The following RIC8A variants were observed in gnomAD, a reference collection of about 807,000 sequenced individuals.
RIC8A encodes RIC8 guanine nucleotide exchange factor A.
RIC8A carries 37 observed loss-of-function variants against 48.4 expected under a neutral mutation model. That is an observed-to-expected ratio of 0.77 (90% CI 0.59 to 1.01). RIC8A has a LOEUF of 1.01. Ranked by LOEUF, RIC8A falls within the 50% of genes least tolerant of loss-of-function variation. RIC8A has a pLI of 0.00. For missense variants in RIC8A, 681 were observed against 696.8 expected (o/e 0.98, Z 0.25); for synonymous variants, 288 against 283.4 (o/e 1.02, Z -0.16).
In RIC8A at chr11:211,366, T is replaced by C. The variant is rs1416525264; in HGVS notation, c.969+17T>C. ...TTGCACAAGGTAGGCTGGGGATGGC[T>C]GTGCAGGCTCCCCCAGTGGCTCTGG... On this transcript the variant is annotated intron_variant, in intron 5 of 9. Coordinates refer to ENST00000526104, the MANE Select transcript of RIC8A (RefSeq NM_001286134.2). This position sits in a 1 kb window ranked among gnomAD's most constrained non-coding sequence, Gnocchi z 4.0. 2 of 1,609,920 alleles carry C rather than the reference T, an allele frequency of 1.2e-6. No individual in the cohort carries two copies. Among genetic ancestry groups the C allele is most frequent in the African/African-American group, 2.7e-5 (2 of 74,888 alleles).
chr11:210,495 A>C, intron 3 of RIC8A, 76 bp from the exon 4 acceptor site: 2 of 1,328,730 alleles, frequency 1.5e-6, no homozygotes, highest in Middle Eastern at 1.8e-4. Flanking sequence ...CCTGGAGTGC[A>C]ACAGACAGTG....
intron 5 of RIC8A, chr11:212,211 CCT>C (rs1355525341): frequency 3.4e-6 from 2 of 593,366 alleles, no homozygotes; most frequent in Non-Finnish European, 6.0e-6. Context: ...ACGCTCTATC[CCT>C]GTCCTTTTCA....
At chr11:210,995 C>A (rs539833971) in intron 4 of RIC8A, 9 of 619,302 alleles carry the variant, frequency 1.5e-5, no homozygotes, top group African/African-American at 9.3e-5. Context: ...TGTCTCAGTG[C>A]CCCCACTTCC....
rs1048632539 is a variant in RIC8A, at chr11:209,061, G to T, written c.84+123G>T. ...CAGCAAGCGTAGGGGACGCGGCGGG[G>T]TGCGGGGGGCAGGTCTGGGATGCAG... is the stretch of plus-strand genomic sequence containing the variant. On this transcript the variant is annotated intron_variant, in intron 1 of 9. Coordinates refer to ENST00000526104, the MANE Select transcript of RIC8A (RefSeq NM_001286134.2). 4 of 1,071,480 alleles carry T rather than the reference G, an allele frequency of 3.7e-6. No individual in the cohort carries two copies. In the African/African-American group the frequency reaches 4.7e-5, roughly 13 times the overall value. The allele number at this position is 1,071,480 out of a possible 1,614,324, so 66.4% of individuals were successfully genotyped here.
Position 211,636 on chromosome 11 carries a change from A to C in RIC8A, c.969+287A>C. On this transcript the variant is annotated intron_variant, in intron 5 of 9. Coordinates refer to ENST00000526104, the MANE Select transcript of RIC8A (RefSeq NM_001286134.2). This position sits in a 1 kb window ranked among gnomAD's most constrained non-coding sequence, Gnocchi z 4.0. Reference sequence around the variant, plus strand: ...GAGAAGCCCCCCAGTCCCTACTTTTAAGTCTTAAACACAGGCAGCCCTTGA... The same window carrying C: ...GAGAAGCCCCCCAGTCCCTACTTTTCAGTCTTAAACACAGGCAGCCCTTGA... 1 of 292,452 alleles carries C rather than the reference A, an allele frequency of 3.4e-6. No homozygotes were observed. The highest frequency in any genetic ancestry group is 6.4e-6 in the Non-Finnish European group (1 of 156,504). The allele number at this position is 292,452 out of a possible 1,614,324, so 18.1% of individuals were successfully genotyped here. A position where few individuals can be genotyped will look rare whatever the true frequency, so the allele number is the denominator to read the frequency against.
rs1855350913 is a variant in RIC8A at position 211,288 on chromosome 11, T to C, written c.908T>C (p.Met303Thr). The C allele has an allele frequency of 2.5e-6, 4 of 1,614,106 alleles. No individual in the cohort carries two copies. The African/African-American group carries it at 4.0e-5, about 16-fold the overall frequency. ...LEPHGDSTEF[M>T]GVNMDVIRAL... ...CCACATGGAGACTCCACGGAGTTCA[T>C]GGGAGTGAATATGGATGTGATTCGT... Residue 303 changes from methionine (M) to threonine (T), a missense_variant, in exon 5 of 10, where the codon ATG (methionine) becomes ACG (threonine). Transcript: ENST00000526104. This position sits in a 1 kb window ranked among gnomAD's most constrained non-coding sequence, Gnocchi z 4.0.
intron 8 of RIC8A, 69 bp from the exon 9 acceptor site, chr11:213,230 A>C (rs1855414421): frequency 4.4e-6 from 7 of 1,594,630 alleles, no homozygotes; most frequent in Non-Finnish European, 6.0e-6. Context: ...CACTGGGAAA[A>C]TAGGTGGCTT....
At chr11:210,825 C>A in intron 4 of RIC8A, 163 bp downstream of exon 4, 1 of 677,928 alleles carries the variant, frequency 1.5e-6, no homozygotes, top group South Asian at 1.8e-5. Flanking sequence ...AATTTGGGGG[C>A]AGGAATGTGC....
rs1003128889 is a variant in RIC8A at position 214,551 on chromosome 11, C to T, written c.*201C>T. The T allele has an allele frequency of 1.6e-5, 11 of 694,920 alleles. No individual in the cohort carries two copies. Among genetic ancestry groups the T allele is most frequent in the Admixed American group, 1.1e-4 (5 of 47,474 alleles). The allele number at this position is 694,920 out of a possible 1,614,324, so 43.0% of individuals were successfully genotyped here. On this transcript the variant is annotated 3_prime_UTR_variant, in exon 10 of 10. Transcript: ENST00000526104. Reference sequence around the variant, plus strand: ...CTCATCTCTGGACTGCAACGGTCTTCTTGTGCTAGAACTCAGGCTCAGCCT... The same window carrying T: ...CTCATCTCTGGACTGCAACGGTCTTTTTGTGCTAGAACTCAGGCTCAGCCT...
Position 209,514 on chromosome 11 carries a change from G to A in RIC8A, c.240G>A (p.Leu80=). ...VRILSRDRNC[L]DPFTSRQSLQ... ...TCCTGTCCCGGGACCGCAACTGCCT[G>A]GACCCGTTCACCAGCCGCCAGAGCC... Residue 80 remains leucine, a synonymous_variant, in exon 3 of 10, where the codon CTG becomes CTA. Coordinates refer to ENST00000526104, the MANE Select transcript of RIC8A (RefSeq NM_001286134.2). 1 of 1,613,922 alleles carries A rather than the reference G, an allele frequency of 6.2e-7. No homozygotes were observed. Among genetic ancestry groups the A allele is most frequent in the Non-Finnish European group, 8.5e-7 (1 of 1,179,954 alleles).
intron 5 of RIC8A, 153 bp from the exon 6 acceptor site, chr11:212,263 G>A (rs555393406): frequency 2.4e-5 from 17 of 700,480 alleles, no homozygotes; most frequent in Non-Finnish European, 3.9e-5. Context: ...TTGGCCTTCT[G>A]CTGACTAACT....
In RIC8A at chr11:208,494, G is replaced by A; in HGVS notation, c.-361G>A. 1 of 228,318 alleles carries A rather than the reference G, an allele frequency of 4.4e-6. No homozygotes were observed. The highest frequency in any genetic ancestry group is 8.4e-6 in the Non-Finnish European group (1 of 118,908). The allele number at this position is 228,318 out of a possible 1,614,324, so 14.1% of individuals were successfully genotyped here. On this transcript the variant is annotated 5_prime_UTR_variant, in exon 1 of 10. Coordinates refer to ENST00000526104, the MANE Select transcript of RIC8A (RefSeq NM_001286134.2). This position sits in a 1 kb window ranked among gnomAD's most constrained non-coding sequence, Gnocchi z 4.8. ...CGGCTTTCCCCTCTACATCCCATCG[G>A]TTCTGTGGAGCTCGAGGGGCGTCAC...
rs754819408 is a variant in RIC8A at position 211,210 on chromosome 11, A to G, written c.830A>G (p.Asn277Ser). ...CCATCTGTCCCCAGCCACGCAGTGAACCTCCTGGGGAACTTGCCCCTCAAG... is the reference window on the plus strand; with the variant it reads ...CCATCTGTCCCCAGCCACGCAGTGAGCCTCCTGGGGAACTTGCCCCTCAAG... ...RTEEFHGHAV[N>S]LLGNLPLKCL... is the part of the protein sequence containing the mutation. Residue 277 changes from asparagine (N) to serine (S), a missense_variant, in exon 5 of 10, where the codon AAC (asparagine) becomes AGC (serine). Transcript: ENST00000526104. The surrounding 1 kb of genome is among the most constrained non-coding windows in gnomAD (Gnocchi z 4.0). 19 of 1,613,262 alleles carry G rather than the reference A, an allele frequency of 1.2e-5. No individual in the cohort carries two copies. The South Asian group carries it at 1.5e-4, about 13-fold the overall frequency.
At chr11:212,183 T>C (rs1438251471) in intron 5 of RIC8A, 5 of 547,226 alleles carry the variant, frequency 9.1e-6, no homozygotes, top group African/African-American at 1.9e-5. Flanking sequence ...TCACAAAGCT[T>C]ACGAGTACCT....
chr11:213,527 G>C, intron 9 of RIC8A, 109 bp downstream of exon 9: 2 of 1,443,542 alleles, frequency 1.4e-6, no homozygotes, highest in African/African-American at 1.4e-5. Flanking sequence ...TAGGATCCTG[G>C]TATTAGGTTG....
Position 208,896 on chromosome 11 carries a change from G to T in RIC8A, c.42G>T (p.Glu14Asp). 1 of 1,611,390 alleles carries T rather than the reference G, an allele frequency of 6.2e-7. No individual in the cohort carries two copies. The highest frequency in any genetic ancestry group is 8.5e-7 in the Non-Finnish European group (1 of 1,179,322). Residue 14 changes from glutamate to aspartate, a missense_variant, in exon 1 of 10, where the codon GAG (glutamate) becomes GAT (aspartate). Transcript: ENST00000526104. The surrounding 1 kb of genome is among the most constrained non-coding windows in gnomAD (Gnocchi z 4.8). ...TTGCAGAAGCCGTGGAGACGGGTGA[G>T]GAGGATGTGATTATGGAAGCTCTGC... ...RAVAEAVETG[E>D]EDVIMEALRS...
chr11:210,949 T>TG, intron 4 of RIC8A: 1 of 605,844 alleles, frequency 1.7e-6, no homozygotes, highest in Non-Finnish European at 2.9e-6. Flanking sequence ...AGAGATGGTC[T>TG]GGCGCTTTGG....
rs563485808 is a variant in RIC8A at position 207,914 on chromosome 11, C to G, written c.-941C>G. Reference sequence around the variant, plus strand: ...TCGTGCCTGCGAGTGCGCGCCGCGTCGAATACAGCCGTACAGAACGCACTA... The same window carrying G: ...TCGTGCCTGCGAGTGCGCGCCGCGTGGAATACAGCCGTACAGAACGCACTA... On this transcript the variant is annotated 5_prime_UTR_variant, in exon 1 of 10. Transcript: ENST00000526104. The G allele has an allele frequency of 5.2e-5, 8 of 152,882 alleles. No individual in the cohort carries two copies. Among genetic ancestry groups the G allele is most frequent in the African/African-American group, 1.7e-4 (7 of 41,522 alleles). The allele number at this position is 152,882 out of a possible 1,614,324, so 9.5% of individuals were successfully genotyped here.
Position 211,538 on chromosome 11 carries a change from A to C in RIC8A, c.969+189A>C, listed in dbSNP as rs1855357173. On this transcript the variant is annotated intron_variant, in intron 5 of 9. Transcript: ENST00000526104. The surrounding 1 kb of genome is among the most constrained non-coding windows in gnomAD (Gnocchi z 4.0). ...GAAGCCAGACCCTTCCTCCATGAGA[A>C]GCATGTGGACACCTTCCACACACTT... 2 of 574,756 alleles carry C rather than the reference A, an allele frequency of 3.5e-6. No individual in the cohort carries two copies. The highest frequency in any genetic ancestry group is 6.0e-6 in the Non-Finnish European group (2 of 334,366). 35.6% of individuals were successfully genotyped at this position (574,756 alleles called of 1,614,324 possible).
Sources: gnomAD v4.1 joint callset for allele counts on GRCh38, gnomAD v4.1.1 for gene constraint, Gnocchi (gnomAD v3.1) non-coding constraint, MANE v1.5 for transcripts, NCBI Gene and HGNC (gene_info 2026-07-23, HGNC 2026-07-21) for gene names.